ZNF829: variants seen among roughly 807,000 people sequenced by gnomAD.
ZNF829 encodes zinc finger protein 829.
In ZNF829, 25 loss-of-function variants were observed where a neutral mutation model predicts 35.2. The observed-to-expected ratio is 0.71, with a 90% CI of 0.52 to 0.99. ZNF829 has a LOEUF of 0.99. Among genes scored for constraint, ZNF829 ranks in the 50% least tolerant of loss-of-function variants. ZNF829 has a pLI of 0.00. For missense variants in ZNF829, 417 were observed against 515.3 expected (o/e 0.81, Z 1.85); for synonymous variants, 136 against 163.2 (o/e 0.83, Z 1.27).
chr19:36,893,967 C>G (rs2073087506), intron 5 of ZNF829, among the ~76,000 whole-genome samples: 1 of 152,170 alleles, frequency 6.6e-6, no homozygotes, highest in African/African-American at 2.4e-5. Flanking sequence ...ACCTCTACAA[C>G]CTTGTGTTAT....
intron 3 of ZNF829, among the ~76,000 whole-genome samples, chr19:36,910,678 C>A (rs2146249064): frequency 6.6e-6 from 1 of 152,256 alleles, no homozygotes; most frequent in East Asian, 1.9e-4. Context: ...GCATCTCTTC[C>A]ATTTTGCTGT....
intron 5 of ZNF829, among the ~76,000 whole-genome samples, chr19:36,900,895 A>G (rs556223123): frequency 6.6e-5 from 10 of 151,382 alleles, no homozygotes; most frequent in African/African-American, 2.2e-4. Context: ...AATGATGTGG[A>G]GAAACTGGAA....
rs2073018054 is a variant in ZNF829, at chr19:36,888,414, CCCA to C, written c.*3075_*3077del. 1 of 152,160 alleles carries C rather than the reference CCCA, an allele frequency of 6.6e-6. No individual in the cohort carries two copies. The allele number at this position is 152,160 out of a possible 1,614,324, so 9.4% of individuals were successfully genotyped here. On this transcript the variant is annotated 3_prime_UTR_variant, in exon 6 of 6. Transcript: ENST00000391711. ...ATCTGTCTCTACAATATCCAGTACT[CCCA>C]CGTCAATAAAATTTATACACCCATT...
chr19:36,911,406 T>C (rs2073263524), intron 3 of ZNF829, among the ~76,000 whole-genome samples: 1 of 152,060 alleles, frequency 6.6e-6, no homozygotes, highest in African/African-American at 2.4e-5. Context: ...GAGATGTGGG[T>C]TCACCATGTT....
chr19:36,904,624 T>C (rs1250477933), intron 5 of ZNF829, among the ~76,000 whole-genome samples: 3 of 152,168 alleles, frequency 2.0e-5, no homozygotes, highest in Non-Finnish European at 2.9e-5. Context: ...GGTTTCGAAC[T>C]CCTGACCTCA....
At chr19:36,915,676 C>T in intron 1 of ZNF829, 2 of 631,418 alleles carry the variant, frequency 3.2e-6, no homozygotes, top group Middle Eastern at 4.3e-4. Context: ...CGGCTCACTG[C>T]AACCTCCGCC....
At chr19:36,907,237 A>G (rs2073225952) in intron 5 of ZNF829, 2 of 152,030 alleles carry the variant, frequency 1.3e-5, no homozygotes, top group African/African-American at 4.8e-5. Context: ...GAGCAAAAAA[A>G]GCCAAAGGCA....
chr19:36,900,147 C>A (rs10423368), intron 5 of ZNF829, among the ~76,000 whole-genome samples: 1,573 of 6,162 alleles, frequency 0.26, 49 homozygotes, highest in African/African-American at 0.35. Flanking sequence ...CTCTACTAAA[C>A]ACACACACAC....
At chr19:36,899,490 A>G (rs2073143221) in intron 5 of ZNF829, among the ~76,000 whole-genome samples, 2 of 139,338 alleles carry the variant, frequency 1.4e-5, no homozygotes, top group African/African-American at 5.0e-5. Context: ...AAAGAAAAAA[A>G]AATACATATA....
chr19:36,891,520 A>T lies in ZNF829; in HGVS notation c.1271T>A (p.Ile424Asn). The T allele has an allele frequency of 1.3e-6, 2 of 1,576,234 alleles. No individual in the cohort carries two copies. The highest frequency in any genetic ancestry group is 1.7e-6 in the Non-Finnish European group (2 of 1,164,990). ...ACCAGTATGAATTCCCTCATGGCGA[A>T]TGAGGTCAGAGCGACTACCAAAAGC... is the stretch of plus-strand genomic sequence containing the variant. ...GKAFGSRSDL[I>N]RHEGIHTG The change falls in exon 6 of 6, where the codon ATT becomes AAT. Residue 424 changes from isoleucine (I) to asparagine (N), a missense_variant. By Grantham distance (149) the Ile-to-Asn change is moderately radical. Transcript: ENST00000391711.
rs1418656503 is a variant in ZNF829 at position 36,888,705 on chromosome 19, T to G, written c.*2787A>C. On this transcript the variant is annotated 3_prime_UTR_variant, in exon 6 of 6. Coordinates refer to ENST00000391711, the MANE Select transcript of ZNF829 (RefSeq NM_001037232.4). ...TACTAAATAGGATTTTTTTTGGTTT[T>G]TTTTTGAGATGGAGTCTGGCTTTGT... The G allele has an allele frequency of 6.6e-6, 1 of 152,204 alleles. No homozygotes were observed. Among genetic ancestry groups the G allele is most frequent in the Non-Finnish European group, 1.5e-5 (1 of 68,060 alleles). 9.4% of individuals were successfully genotyped at this position (152,204 alleles called of 1,614,324 possible). A position where few individuals can be genotyped will look rare whatever the true frequency, so the allele number is the denominator to read the frequency against.
intron 5 of ZNF829, among the ~76,000 whole-genome samples, chr19:36,899,688 T>C (rs1054004961): frequency 6.6e-6 from 1 of 150,764 alleles, no homozygotes; most frequent in Admixed American, 6.6e-5. Context: ...AGGAGGACTA[T>C]AGTTAGTAAT....
At position 36,890,079 on chromosome 19, in the gene ZNF829, T is replaced by A. The variant is rs1335425953; in HGVS notation, c.*1413A>T. ...AATTCCATGTATCTGTTTTGAGAGT[T>A]CCTCTTGGTATTGATATCTAGTTTT... On this transcript the variant is annotated 3_prime_UTR_variant, in exon 6 of 6. Coordinates refer to ENST00000391711, the MANE Select transcript of ZNF829 (RefSeq NM_001037232.4). The A allele has an allele frequency of 1.3e-5, 2 of 152,316 alleles. No homozygotes were observed. Among genetic ancestry groups the A allele is most frequent in the Non-Finnish European group, 2.9e-5 (2 of 68,014 alleles). The allele number at this position is 152,316 out of a possible 1,614,324, so 9.4% of individuals were successfully genotyped here.
intron 2 of ZNF829, 40 bp downstream of exon 2, chr19:36,915,090 A>G: frequency 6.2e-7 from 1 of 1,614,126 alleles, no homozygotes; most frequent in Non-Finnish European, 8.5e-7. Flanking sequence ...TGGTACCCAG[A>G]TTAGTCAAGT....
chr19:36,902,661 A>AAATAAAAT (rs1331880385), intron 5 of ZNF829, among the ~76,000 whole-genome samples: 1 of 151,734 alleles, frequency 6.6e-6, no homozygotes, highest in African/African-American at 2.4e-5. Flanking sequence ...AAATAAAATA[A>AAATAAAAT]AATAAAATAA....
chr19:36,909,354 C>T (rs1365925112), intron 3 of ZNF829, among the ~76,000 whole-genome samples: 1 of 151,958 alleles, frequency 6.6e-6, no homozygotes, highest in East Asian at 1.9e-4. Context: ...TACATAAAAC[C>T]GGGCAAAAGA....
Position 36,908,396 on chromosome 19 carries a change from C to T in ZNF829, c.160G>A (p.Ala54Thr), listed in dbSNP as rs770387015. The T allele has an allele frequency of 1.5e-5, 25 of 1,613,394 alleles. No homozygotes were observed. In the South Asian group the frequency reaches 1.8e-4, roughly 11 times the overall value. Reference protein sequence around the residue: ...FSQEEWECLDADQMNLYKEVM... With the variant: ...FSQEEWECLDTDQMNLYKEVM... The stretch of plus-strand genomic sequence containing the variant: ...TCTTTGTATAAATTCATCTGATCAG[C>T]GTCCAGGCATTCCCATTCCTCTTGA... Residue 54 changes from alanine (A) to threonine (T), a missense_variant, in exon 4 of 6, where the codon GCT becomes ACT. Ala to Thr is a moderately conservative substitution (Grantham distance 58). Transcript: ENST00000391711.
Position 36,888,978 on chromosome 19 carries a change from G to A in ZNF829, c.*2514C>T, listed in dbSNP as rs926488453. The A allele has an allele frequency of 4.6e-5, 7 of 152,192 alleles. No individual in the cohort carries two copies. The highest frequency in any genetic ancestry group is 4.6e-4 in the Admixed American group (7 of 15,278). 9.4% of individuals were successfully genotyped at this position (152,192 alleles called of 1,614,324 possible). A position where few individuals can be genotyped will look rare whatever the true frequency, so the allele number is the denominator to read the frequency against. ...GTAGAGACAGGGTTTCGCCATGTCA[G>A]CCAGACTGGTCTCAAACTCTTGACA... On this transcript the variant is annotated 3_prime_UTR_variant, in exon 6 of 6. Transcript: ENST00000391711.
intron 5 of ZNF829, among the ~76,000 whole-genome samples, chr19:36,905,110 T>C (rs1353193425): frequency 1.3e-5 from 2 of 152,290 alleles, no homozygotes; most frequent in South Asian, 4.1e-4. Flanking sequence ...TGGATCAATT[T>C]CCACTTCCAT....
Sources: gnomAD v4.1 joint callset for allele counts (sites outside exome capture counted in the v4.1 genomes callset) on GRCh38, gnomAD v4.1.1 for gene constraint, MANE v1.5 for transcripts, NCBI Gene and HGNC (gene_info 2026-07-23, HGNC 2026-07-21) for gene names.